The following SERPINB10 variants were observed in gnomAD, a reference collection of about 807,000 sequenced individuals.
The protein encoded by SERPINB10 is serpin family B member 10.
SERPINB10 carries 35 observed loss-of-function variants against 39.1 expected under a neutral mutation model. That is an observed-to-expected ratio of 0.90 (90% confidence interval 0.68 to 1.19). The LOEUF (loss-of-function observed/expected upper bound fraction) is 1.19, where lower values mean the gene tolerates loss of function less well. Among genes scored for constraint, SERPINB10 ranks in the 50% most tolerant of loss-of-function variants. The pLI is 0.00. For missense variants in SERPINB10, 546 were observed against 460.5 expected (o/e 1.19, Z -1.70); for synonymous variants, 190 against 158.1 (o/e 1.20, Z -1.52).
In SERPINB10 at chr18:63,915,067, A is replaced by C. The variant is rs2050091526; in HGVS notation, c.-9-435A>C. Reference sequence around the variant, plus strand: ...AAATGAGTAATAAATATTTACAAGCACCCATTTTGTGCAAAATCCTTAGCT... The same window carrying C: ...AAATGAGTAATAAATATTTACAAGCCCCCATTTTGTGCAAAATCCTTAGCT... On this transcript the variant is annotated intron_variant, in intron 1 of 7. Coordinates refer to ENST00000238508, the MANE Select transcript of SERPINB10 (RefSeq NM_005024.3). 2.0e-5 allele frequency among the ~76,000 whole-genome samples: 3 copies of C among 152,210 alleles called. No individual in the cohort carries two copies. The South Asian group carries it at 6.2e-4, about 32-fold the overall frequency.
At chr18:63,918,217 C>G in intron 4 of SERPINB10, 115 bp downstream of exon 4, 1 of 1,071,142 alleles carries the variant, frequency 9.3e-7, no homozygotes, top group Non-Finnish European at 1.4e-6. Flanking sequence ...GTGGTCAGTA[C>G]TTCCCTGCAA....
chr18:63,925,293 T>C (rs2050173325), intron 5 of SERPINB10, among the ~76,000 whole-genome samples: 1 of 151,934 alleles, frequency 6.6e-6, no homozygotes, highest in African/African-American at 2.4e-5. Flanking sequence ...CCTAGCCCCA[T>C]TTGCTGAGAG....
Position 63,935,177 on chromosome 18 carries a change from CTCT to C in SERPINB10, c.1135_1137del (p.Phe379del), listed in dbSNP as rs1250001702. 4 of 1,612,304 alleles carry C rather than the reference CTCT, an allele frequency of 2.5e-6. No individual in the cohort carries two copies. In the Admixed American group the frequency reaches 6.7e-5, roughly 27 times the overall value. ...TGAATTCAATGCAAATCACCCATTC[CTCT>C]TCTTCATCAGGCACAATAAAACCAA... On this transcript the variant is annotated inframe_deletion, in exon 8 of 8. Coordinates refer to ENST00000238508, the MANE Select transcript of SERPINB10 (RefSeq NM_005024.3).
chr18:63,909,049 G>A (rs1357901219), intron 1 of SERPINB10, among the ~76,000 whole-genome samples: 1 of 151,992 alleles, frequency 6.6e-6, no homozygotes, highest in Non-Finnish European at 1.5e-5. Context: ...GGGGAGCTGG[G>A]TTAGGGAGAT....
rs544870929 is a variant in SERPINB10, at chr18:63,935,560, A to C, written c.*318A>C. On this transcript the variant is annotated 3_prime_UTR_variant, in exon 8 of 8. Coordinates refer to ENST00000238508, the MANE Select transcript of SERPINB10 (RefSeq NM_005024.3). ...TGCAATATCCATGATACTTGTTATC[A>C]TATATTTCATATACATCATTAAATG... 2 of 219,160 alleles carry C rather than the reference A, an allele frequency of 9.1e-6. No homozygotes were observed. Among genetic ancestry groups the C allele is most frequent in the East Asian group, 2.0e-4 (2 of 10,062 alleles). 13.6% of individuals were successfully genotyped at this position (219,160 alleles called of 1,614,324 possible).
chr18:63,913,267 C>T (rs1006135014), intron 1 of SERPINB10, among the ~76,000 whole-genome samples: 4 of 151,640 alleles, frequency 2.6e-5, no homozygotes, highest in Admixed American at 6.6e-5. Flanking sequence ...TTTTGGGTCT[C>T]GATTTCATTC....
intron 1 of SERPINB10, among the ~76,000 whole-genome samples, chr18:63,912,847 G>A (rs2050074311): frequency 1.3e-5 from 2 of 151,926 alleles, no homozygotes; most frequent in African/African-American, 4.8e-5. Flanking sequence ...TATTTCATCA[G>A]CATTGATGCC....
chr18:63,911,543 C>A (rs959049585), intron 1 of SERPINB10, among the ~76,000 whole-genome samples: 2 of 151,924 alleles, frequency 1.3e-5, no homozygotes, highest in Non-Finnish European at 2.9e-5. Flanking sequence ...AGTCCTTTCC[C>A]AATTGCTTGT....
intron 5 of SERPINB10, among the ~76,000 whole-genome samples, chr18:63,922,642 G>A (rs1215299864): frequency 1.3e-5 from 2 of 151,948 alleles, no homozygotes; most frequent in African/African-American, 2.4e-5. Flanking sequence ...CATAAGCATG[G>A]CTCTTAGGGG....
chr18:63,918,033 G>T lies in SERPINB10; in HGVS notation c.303G>T (p.Lys101Asn). ...AAACACTTATCTCAGAAATCCTCAA[G>T]CCCAACGATGACTACTTACTTAAAA... ...DFQTLISEILKPNDDYLLKTA... is the reference protein window; with the variant it reads ...DFQTLISEILNPNDDYLLKTA... The change falls in exon 4 of 8, where the codon AAG becomes AAT. Residue 101 changes from lysine to asparagine, a missense_variant. By Grantham distance (94) the Lys-to-Asn change is moderately conservative. Transcript: ENST00000238508. 1 of 1,612,350 alleles carries T rather than the reference G, an allele frequency of 6.2e-7. No homozygotes were observed. Among genetic ancestry groups the T allele is most frequent in the Non-Finnish European group, 8.5e-7 (1 of 1,178,966 alleles).
In SERPINB10 at chr18:63,908,025, A is replaced by T; in HGVS notation, c.-25A>T. On this transcript the variant is annotated 5_prime_UTR_variant, in exon 1 of 8. Transcript: ENST00000238508. Reference sequence around the variant, plus strand: ...AGGAGCAAATTGCCAATTCTGCTCCAGTGGGAGAAAACAAGGTATTGTAAA... The same window carrying T: ...AGGAGCAAATTGCCAATTCTGCTCCTGTGGGAGAAAACAAGGTATTGTAAA... The T allele has an allele frequency of 2.9e-6, 1 of 343,276 alleles. No individual in the cohort carries two copies. The highest frequency in any genetic ancestry group is 6.0e-6 in the Non-Finnish European group (1 of 165,888). The allele number at this position is 343,276 out of a possible 1,614,324, so 21.3% of individuals were successfully genotyped here. A position where few individuals can be genotyped will look rare whatever the true frequency, so the allele number is the denominator to read the frequency against.
Position 63,917,453 on chromosome 18 carries a change from C to T in SERPINB10, c.169-3C>T. The T allele has an allele frequency of 6.4e-7, 1 of 1,551,114 alleles. No individual in the cohort carries two copies. The highest frequency in any genetic ancestry group is 8.7e-7 in the Non-Finnish European group (1 of 1,145,040). On this transcript the variant is annotated splice_polypyrimidine_tract_variant and splice_region_variant and intron_variant, in intron 2 of 7. Transcript: ENST00000238508. ...TTCATTTGTATTTTTATTGAAATTA[C>T]AGGTGCTTCAATTTAACAGAGACCA...
In SERPINB10 at chr18:63,933,019, CTGTTTTTT is replaced by C. The variant is rs147237989; in HGVS notation, c.634-11_634-4del. The C allele has an allele frequency of 1.9e-3, 3,117 of 1,598,872 alleles. 40 individuals are homozygous for C. The African/African-American group carries it at 0.026, about 13-fold the overall frequency. ...AATACTTCTTCAATGACCTTGTTACCTGTTTTTTTGTTTTTTTGTTTTTTTTAGACTAC... is the reference window on the plus strand; with the variant it reads ...AATACTTCTTCAATGACCTTGTTACCTGTTTTTTTGTTTTTTTTAGACTAC... On this transcript the variant is annotated intron_variant, in intron 6 of 7. Coordinates refer to ENST00000238508, the MANE Select transcript of SERPINB10 (RefSeq NM_005024.3).
chr18:63,918,154 G>A (rs2050118612), intron 4 of SERPINB10, 52 bp downstream of exon 4: 3 of 1,579,356 alleles, frequency 1.9e-6, no homozygotes, highest in East Asian at 2.2e-5. Context: ...AGCAATGTGA[G>A]ACCAATCAGT....
intron 1 of SERPINB10, among the ~76,000 whole-genome samples, chr18:63,913,233 G>A (rs553782884): frequency 6.6e-6 from 1 of 151,820 alleles, no homozygotes; most frequent in Non-Finnish European, 1.5e-5. Flanking sequence ...CCAACTTTTG[G>A]TTTTGTTGAT....
intron 4 of SERPINB10, among the ~76,000 whole-genome samples, chr18:63,918,911 C>G (rs190285430): frequency 6.6e-6 from 1 of 151,952 alleles, no homozygotes; most frequent in African/African-American, 2.4e-5. Context: ...TAGAGACAAA[C>G]ATATTTTTAT....
chr18:63,930,224 TG>T, intron 6 of SERPINB10, 37 bp downstream of exon 6: 2 of 1,602,626 alleles, frequency 1.2e-6, no homozygotes, highest in Non-Finnish European at 1.7e-6. Context: ...GATTTTCACA[TG>T]GCATTGTACA....
intron 7 of SERPINB10, 27 bp from the exon 8 acceptor site, chr18:63,934,811 C>A: frequency 6.4e-7 from 1 of 1,565,590 alleles, no homozygotes; most frequent in Non-Finnish European, 8.6e-7. Context: ...ATTACTGATT[C>A]TTTCTTTCTT....
chr18:63,929,840 C>T (rs1029956861), intron 5 of SERPINB10, among the ~76,000 whole-genome samples: 2 of 151,586 alleles, frequency 1.3e-5, no homozygotes, highest in African/African-American at 2.4e-5. Context: ...ACTGACAGTC[C>T]AGCATATTAT....
Sources: allele counts gnomAD v4.1 joint callset (sites outside exome capture counted in the v4.1 genomes callset), GRCh38; gene constraint gnomAD v4.1.1; transcripts MANE v1.5; gene names NCBI Gene and HGNC (gene_info 2026-07-23, HGNC 2026-07-21).